ST6GAL2: variants seen among roughly 807,000 people sequenced by gnomAD.
The protein encoded by ST6GAL2 is beta-galactoside alpha-2,6-sialyltransferase 2.
ST6GAL2 carries 24 observed loss-of-function variants against 37.5 expected under a neutral mutation model. The ratio of observed to expected loss-of-function variants is 0.64; its 90% CI spans 0.46 to 0.90. ST6GAL2 has a LOEUF of 0.90. Ranked by LOEUF, ST6GAL2 falls within the 40% of genes least tolerant of loss-of-function variation. ST6GAL2 has a pLI of 0.00. For missense variants in ST6GAL2, 715 were observed against 712.7 expected (o/e 1.00, Z -0.04); for synonymous variants, 306 against 295.1 (o/e 1.04, Z -0.38).
intron 1 of ST6GAL2, among the ~76,000 whole-genome samples, chr2:106,862,578 G>A (rs1403360511): frequency 6.6e-6 from 1 of 151,904 alleles, no homozygotes; most frequent in East Asian, 1.9e-4. Context: ...TAAAGTTCAA[G>A]TTAAGGCATG....
intron 5 of ST6GAL2, among the ~76,000 whole-genome samples, chr2:106,818,328 G>A (rs921725634): frequency 6.6e-6 from 1 of 152,184 alleles, no homozygotes; most frequent in African/African-American, 2.4e-5. Flanking sequence ...GGTCACAGAG[G>A]TGCTTTTGTC....
chr2:106,825,334 T>C (rs1174048718), intron 5 of ST6GAL2, among the ~76,000 whole-genome samples: 2 of 152,232 alleles, frequency 1.3e-5, no homozygotes, highest in African/African-American at 4.8e-5. Flanking sequence ...TAAGGTCTCT[T>C]GTGCTCAGCT....
intron 1 of ST6GAL2, among the ~76,000 whole-genome samples, chr2:106,870,326 A>G (rs1678211867): frequency 1.3e-5 from 2 of 152,182 alleles, no homozygotes; most frequent in South Asian, 4.1e-4. Context: ...ATAGTAATTC[A>G]CTAAGAGGGT....
intron 4 of ST6GAL2, among the ~76,000 whole-genome samples, chr2:106,831,547 G>C (rs1317562583): frequency 6.6e-6 from 1 of 152,164 alleles, no homozygotes; most frequent in Non-Finnish European, 1.5e-5. Context: ...GAGAATCAAA[G>C]AGCCCTCTCA....
chr2:106,886,964 T>A (rs1679028279), upstream of ST6GAL2: 1 of 152,390 alleles, frequency 6.6e-6, no homozygotes, highest in South Asian at 2.1e-4. Flanking sequence ...CCCTAGTTCT[T>A]CCGAAGGTTA....
chr2:106,836,270 G>A (rs1050926442), intron 2 of ST6GAL2, among the ~76,000 whole-genome samples: 64 of 152,146 alleles, frequency 4.2e-4, no homozygotes, highest in African/African-American at 1.5e-3. Flanking sequence ...GTTGCAATAT[G>A]TTGTTTTATT....
chr2:106,851,546 C>A (rs937230291), intron 1 of ST6GAL2, among the ~76,000 whole-genome samples: 3 of 152,198 alleles, frequency 2.0e-5, no homozygotes, highest in African/African-American at 7.2e-5. Flanking sequence ...CAGCTAACTT[C>A]TTATTTTGTT....
Position 106,873,903 on chromosome 2 carries a change from G to T in ST6GAL2, c.-58+12190C>A, listed in dbSNP as rs777241491. Among the ~76,000 whole-genome samples the T allele has an allele frequency of 3.9e-5, 6 of 152,210 alleles. 1 individual carries two copies. The highest frequency in any genetic ancestry group is 2.6e-4 in the Admixed American group (4 of 15,278). On this transcript the variant is annotated intron_variant, in intron 1 of 5. Transcript: ENST00000409382. ...TGTTCTGTTTATAAATAGATCACTA[G>T]AATTTGAGGAGCTCTATTCATGGAG...
At chr2:106,854,521 T>C (rs1677494877) in intron 1 of ST6GAL2, among the ~76,000 whole-genome samples, 1 of 152,228 alleles carries the variant, frequency 6.6e-6, no homozygotes, top group Non-Finnish European at 1.5e-5. Flanking sequence ...GCATATATTA[T>C]ACTAAATAAT....
chr2:106,858,297 C>T (rs1306701629), intron 1 of ST6GAL2, among the ~76,000 whole-genome samples: 4 of 152,302 alleles, frequency 2.6e-5, no homozygotes, highest in Non-Finnish European at 4.4e-5. Flanking sequence ...AAGAACTTCT[C>T]CTGCACTCAG....
chr2:106,856,238 GCTC>G (rs1420193931), intron 1 of ST6GAL2, among the ~76,000 whole-genome samples: 1 of 152,184 alleles, frequency 6.6e-6, no homozygotes, highest in African/African-American at 2.4e-5. Context: ...TTCCATCTTG[GCTC>G]CTAACTGCCT....
intron 1 of ST6GAL2, among the ~76,000 whole-genome samples, chr2:106,881,883 A>G (rs147719033): frequency 1.9e-3 from 289 of 152,270 alleles, no homozygotes; most frequent in Middle Eastern, 6.8e-3. Flanking sequence ...TAGCCAATGT[A>G]TTTTTAAATG....
intron 1 of ST6GAL2, among the ~76,000 whole-genome samples, chr2:106,844,550 T>C (rs868601912): frequency 1.3e-5 from 2 of 152,182 alleles, no homozygotes; most frequent in Middle Eastern, 6.8e-3. Context: ...TATCTGATTC[T>C]TCCTGTTCTC....
rs1573270957 is a variant in ST6GAL2 at position 106,848,514 on chromosome 2, G to A, written c.-57-4480C>T. ...GAGGCAAAGATGAGATGTGTGCACA[G>A]TGGTGGGAAGTGAAACAACAAAAAC... On this transcript the variant is annotated intron_variant, in intron 1 of 5. Transcript: ENST00000409382. Among the ~76,000 whole-genome samples, 3 of 152,328 alleles carry A rather than the reference G, an allele frequency of 2.0e-5. No homozygotes were observed. The East Asian group carries it at 5.8e-4, about 29-fold the overall frequency.
At chr2:106,816,451 T>C (rs1675805062) in intron 5 of ST6GAL2, among the ~76,000 whole-genome samples, 1 of 152,236 alleles carries the variant, frequency 6.6e-6, no homozygotes. Flanking sequence ...TATGCAACTT[T>C]GACTCAGGTT....
intron 5 of ST6GAL2, among the ~76,000 whole-genome samples, chr2:106,807,524 A>G (rs906910613): frequency 6.6e-6 from 1 of 152,190 alleles, no homozygotes; most frequent in South Asian, 2.1e-4. Context: ...TAAGATTCAT[A>G]TTAACAAAAT....
chr2:106,859,292 C>T lies in ST6GAL2; in HGVS notation c.-57-15258G>A, dbSNP rs540589072. Among the ~76,000 whole-genome samples, 5 of 152,206 alleles carry T rather than the reference C, an allele frequency of 3.3e-5. No homozygotes were observed. In the South Asian group the frequency reaches 1.0e-3, roughly 32 times the overall value. Reference sequence around the variant, plus strand: ...TAGTTAAAGTTCCATTTTTTGAATACTTTTGGAAGTGGATGGAAAATACAC... The same window carrying T: ...TAGTTAAAGTTCCATTTTTTGAATATTTTTGGAAGTGGATGGAAAATACAC... On this transcript the variant is annotated intron_variant, in intron 1 of 5. Transcript: ENST00000409382.
chr2:106,866,534 T>C (rs1019252436), intron 1 of ST6GAL2, among the ~76,000 whole-genome samples: 2 of 152,220 alleles, frequency 1.3e-5, no homozygotes, highest in Non-Finnish European at 2.9e-5. Flanking sequence ...AAGGTGAGTA[T>C]GGTACCTCTA....
At chr2:106,813,230 T>C (rs912031989) in intron 5 of ST6GAL2, 7 of 1,339,036 alleles carry the variant, frequency 5.2e-6, no homozygotes, top group Non-Finnish European at 6.7e-6. Context: ...TGAGCCTATA[T>C]GAGGGATTCA....
Sources: gnomAD v4.1 joint callset for allele counts (sites outside exome capture counted in the v4.1 genomes callset) on GRCh38, gnomAD v4.1.1 for gene constraint, MANE v1.5 for transcripts, NCBI Gene and HGNC (gene_info 2026-07-23, HGNC 2026-07-21) for gene names.